The following GRIP1 variants were observed in gnomAD, a reference collection of about 807,000 sequenced individuals.
GRIP1 encodes glutamate receptor interacting protein 1.
GRIP1 carries 45 observed loss-of-function variants against 129.9 expected under a neutral mutation model. The ratio of observed to expected loss-of-function variants is 0.35; its 90% CI spans 0.27 to 0.44. GRIP1 has a LOEUF of 0.44. Ranked by LOEUF, GRIP1 falls within the 20% of genes least tolerant of loss-of-function variation. GRIP1 has a pLI of 1.00. For synonymous variants in GRIP1, 530 were observed against 520.8 expected, an observed-to-expected ratio of 1.02 and a Z score of -0.24; for missense variants, 1,196 against 1,396.8, an observed-to-expected ratio of 0.86 and a Z score of 2.29.
At chr12:66,529,706 C>T (rs1174327683) in intron 5 of GRIP1, 125 bp downstream of exon 5, 8 of 716,242 alleles carry the variant, frequency 1.1e-5, no homozygotes, top group Non-Finnish European at 2.0e-5. Context: ...GTCGTGGGTG[C>T]ACCAAAATCT....
intron 1 of GRIP1, among the ~76,000 whole-genome samples, chr12:66,622,240 T>C (rs1338361713): frequency 1.3e-5 from 2 of 152,030 alleles, no homozygotes; most frequent in Non-Finnish European, 2.9e-5. Flanking sequence ...TACAAGTCAC[T>C]TTTGCCCCAA....
intron 1 of GRIP1, among the ~76,000 whole-genome samples, chr12:67,028,579 A>G (rs1427131630): frequency 6.6e-6 from 1 of 152,208 alleles, no homozygotes; most frequent in Non-Finnish European, 1.5e-5. Flanking sequence ...GTTTATGAAT[A>G]GTTTTAAGAA....
At chr12:66,708,646 T>C (rs1449842967) in intron 1 of GRIP1, among the ~76,000 whole-genome samples, 1 of 151,966 alleles carries the variant, frequency 6.6e-6, no homozygotes, top group Non-Finnish European at 1.5e-5. Context: ...TTAAATTATA[T>C]GTATATACTT....
At chr12:66,372,087 G>A in intron 22 of GRIP1, 160 bp from the exon 23 acceptor site, 1 of 665,910 alleles carries the variant, frequency 1.5e-6, no homozygotes, top group Non-Finnish European at 2.7e-6. Context: ...AACTATGAAA[G>A]TCTGGAAAAT....
chr12:66,657,664 C>G (rs979700808), intron 1 of GRIP1, among the ~76,000 whole-genome samples: 20 of 152,218 alleles, frequency 1.3e-4, no homozygotes, highest in African/African-American at 4.8e-4. Context: ...GCCACACCAT[C>G]CCTTATCCCA....
At chr12:66,419,355 A>C (rs1274959975) in intron 15 of GRIP1, among the ~76,000 whole-genome samples, 1 of 152,156 alleles carries the variant, frequency 6.6e-6, no homozygotes, top group Non-Finnish European at 1.5e-5. Context: ...GGGTACAAAA[A>C]AATAGAATGA....
At chr12:66,646,741 A>G (rs551161573) in intron 1 of GRIP1, among the ~76,000 whole-genome samples, 40 of 152,260 alleles carry the variant, frequency 2.6e-4, no homozygotes, top group African/African-American at 9.4e-4. Context: ...TGGGATAAGG[A>G]AAGTCACATA....
intron 1 of GRIP1, among the ~76,000 whole-genome samples, chr12:66,611,895 G>A (rs1021906877): frequency 6.6e-6 from 1 of 152,126 alleles, no homozygotes; most frequent in African/African-American, 2.4e-5. Context: ...GCTGCAAACA[G>A]TTTGAACATA....
At chr12:66,934,378 TG>T (rs2041450110) in intron 1 of GRIP1, among the ~76,000 whole-genome samples, 2 of 152,242 alleles carry the variant, frequency 1.3e-5, no homozygotes, top group African/African-American at 4.8e-5. Flanking sequence ...CTCTACTCCC[TG>T]GGGTTCGTTT....
chr12:66,536,687 T>G (rs2061614524), intron 4 of GRIP1, among the ~76,000 whole-genome samples: 1 of 152,250 alleles, frequency 6.6e-6, no homozygotes, highest in African/African-American at 2.4e-5. Flanking sequence ...CACTGCTTTT[T>G]CGCATAGCAT....
chr12:66,878,247 A>C (rs1283542752), intron 1 of GRIP1, among the ~76,000 whole-genome samples: 1 of 152,204 alleles, frequency 6.6e-6, no homozygotes, highest in East Asian at 1.9e-4. Context: ...AATCTGAAAT[A>C]AGGATGACTA....
chr12:66,609,684 G>A (rs2064704524), intron 1 of GRIP1, among the ~76,000 whole-genome samples: 1 of 152,016 alleles, frequency 6.6e-6, no homozygotes. Flanking sequence ...ATTCAATTTG[G>A]ATAAACAAAG....
At chr12:66,427,534 C>T (rs1419951857) in intron 14 of GRIP1, among the ~76,000 whole-genome samples, 2 of 152,146 alleles carry the variant, frequency 1.3e-5, no homozygotes, top group Non-Finnish European at 2.9e-5. Context: ...ACAATAGTTT[C>T]CCAAGCAAGT....
chr12:66,426,162 A>G (rs1347023836), intron 14 of GRIP1, among the ~76,000 whole-genome samples: 1 of 152,096 alleles, frequency 6.6e-6, no homozygotes, highest in Non-Finnish European at 1.5e-5. Context: ...ATTTCCATCC[A>G]CAGGTATGGA....
chr12:66,631,319 C>T (rs561767222), intron 1 of GRIP1, among the ~76,000 whole-genome samples: 39 of 152,220 alleles, frequency 2.6e-4, no homozygotes, highest in African/African-American at 8.9e-4. Context: ...TGAAAAAAAC[C>T]GCTGAAGCTG....
intron 1 of GRIP1, among the ~76,000 whole-genome samples, chr12:66,742,243 A>T (rs1267871844): frequency 1.3e-5 from 2 of 152,148 alleles, no homozygotes; most frequent in African/African-American, 4.8e-5. Context: ...TTTTTACTGG[A>T]AGCCACCTCA....
intron 1 of GRIP1, among the ~76,000 whole-genome samples, chr12:66,696,977 G>A (rs2035188297): frequency 6.6e-6 from 1 of 152,104 alleles, no homozygotes; most frequent in African/African-American, 2.4e-5. Context: ...CTTCCCAGAG[G>A]TGGTTCTGGG....
chr12:66,728,791 C>T (rs1364287084), intron 1 of GRIP1, among the ~76,000 whole-genome samples: 3 of 152,094 alleles, frequency 2.0e-5, no homozygotes, highest in African/African-American at 7.2e-5. Context: ...AAGAACTTTA[C>T]AGAAACAGAA....
intron 1 of GRIP1, among the ~76,000 whole-genome samples, chr12:66,743,382 G>A (rs2036848084): frequency 6.6e-6 from 1 of 152,074 alleles, no homozygotes; most frequent in African/African-American, 2.4e-5. Flanking sequence ...AGCTGGTGGA[G>A]TGACCAGGGA....
Sources: allele counts gnomAD v4.1 joint callset (sites outside exome capture counted in the v4.1 genomes callset), GRCh38; gene constraint gnomAD v4.1.1; transcripts MANE v1.5; gene names NCBI Gene and HGNC (gene_info 2026-07-23, HGNC 2026-07-21).